Variants in MLC1 observed in about 807,000 individuals in gnomAD.
MLC1 encodes membrane protein MLC1.
In MLC1, 32 loss-of-function variants were observed where a neutral mutation model predicts 44.7. The observed-to-expected ratio is 0.72, with a 90% CI of 0.54 to 0.96. MLC1 has a LOEUF of 0.96. Among genes scored for constraint, MLC1 ranks in the 40% least tolerant of loss-of-function variants. The pLI, the probability that MLC1 is intolerant of heterozygous loss-of-function variation, is 0.00. For missense variants in MLC1, 459 were observed against 492.2 expected (o/e 0.93, Z 0.64); for synonymous variants, 190 against 213.0 (o/e 0.89, Z 0.94).
At chr22:50,061,969 G>A (rs994729010) in intron 11 of MLC1, among the ~76,000 whole-genome samples, 14 of 152,210 alleles carry the variant, frequency 9.2e-5, no homozygotes, top group Non-Finnish European at 1.9e-4. Flanking sequence ...CCAAGGTTGG[G>A]CATGTGCCTG....
At chr22:50,076,099 G>C (rs1041669485) in intron 7 of MLC1, among the ~76,000 whole-genome samples, 1 of 152,184 alleles carries the variant, frequency 6.6e-6, no homozygotes, top group Non-Finnish European at 1.5e-5. Context: ...AAACTCAAAA[G>C]ATGGTAAAAA....
At chr22:50,064,649 A>C (rs1419569091) in intron 10 of MLC1, among the ~76,000 whole-genome samples, 2 of 152,132 alleles carry the variant, frequency 1.3e-5, no homozygotes, top group African/African-American at 4.8e-5. Flanking sequence ...GACCCCCAAC[A>C]GCTTCACCCC....
chr22:50,061,651 T>C lies in MLC1; in HGVS notation c.1066A>G (p.Arg356Gly), dbSNP rs1275788050. Residue 356 changes from arginine to glycine, a missense_variant, in exon 12 of 12, where the codon AGG (arginine) becomes GGG (glycine). By Grantham distance (125) the Arg-to-Gly change is moderately radical (BLOSUM62 -2). Coordinates refer to ENST00000311597, the MANE Select transcript of MLC1 (RefSeq NM_015166.4). ...TTGTCGAACTCCTTCAGGGGGCTCC[T>C]GGCCACCTGCAACCGAGACAGGAAA... The part of the protein sequence containing the change: ...PQERLAGEVA[R>G]SPLKEFDKEK... 1.2e-6 allele frequency: 2 copies of C among 1,613,232 alleles called. No homozygotes were observed. The highest frequency in any genetic ancestry group is 1.7e-6 in the Non-Finnish European group (2 of 1,179,902).
chr22:50,071,151 C>T (rs988338702), intron 8 of MLC1, among the ~76,000 whole-genome samples: 2 of 151,710 alleles, frequency 1.3e-5, no homozygotes, highest in Admixed American at 6.6e-5. Context: ...CTCTGTCACC[C>T]AGGCTGGAGT....
intron 6 of MLC1, 45 bp from the exon 7 acceptor site, chr22:50,076,957 A>C: frequency 6.2e-7 from 1 of 1,606,590 alleles, no homozygotes; most frequent in Non-Finnish European, 8.5e-7. Context: ...GGGCACAGGG[A>C]CTCAGCACTG....
intron 5 of MLC1, among the ~76,000 whole-genome samples, chr22:50,079,052 G>A (rs183623885): frequency 2.0e-5 from 3 of 151,826 alleles, no homozygotes; most frequent in African/African-American, 7.2e-5. Flanking sequence ...GGGAGGCCGA[G>A]GTGGATGGAT....
chr22:50,063,912 A>ATCCCC, intron 11 of MLC1, 122 bp downstream of exon 11: 1 of 515,418 alleles, frequency 1.9e-6, no homozygotes, highest in Non-Finnish European at 2.7e-6. Flanking sequence ...CCGGCTGGGC[A>ATCCCC]CCCCTGTGGG....
Position 50,064,187 on chromosome 22 carries a change from A to G in MLC1, c.906T>C (p.Asp302=), listed in dbSNP as rs2146773099. 3 of 1,599,454 alleles carry G rather than the reference A, an allele frequency of 1.9e-6. No homozygotes were observed. The highest frequency in any genetic ancestry group is 1.7e-5 in the Admixed American group (1 of 59,540). Residue 302 remains aspartate (D), a synonymous_variant, in exon 11 of 12, where the codon GAT becomes GAC. Coordinates refer to ENST00000311597, the MANE Select transcript of MLC1 (RefSeq NM_015166.4). The part of the protein sequence containing the change: ...DYPPAIKPSY[D]VLLLLLLLVL... Reference sequence around the variant, plus strand: ...CTAGCAGCAGCAGCAGCAGCAGCACATCGTAGGATGGCTGCAGGCGGAAGG... The same window carrying G: ...CTAGCAGCAGCAGCAGCAGCAGCACGTCGTAGGATGGCTGCAGGCGGAAGG...
In MLC1 at chr22:50,076,714, G is replaced by A. The variant is rs559114842; in HGVS notation, c.597+127C>T. The stretch of plus-strand genomic sequence containing the variant: ...AGACTAGAGTCTCCACAGATGAGGC[G>A]CACGCCGCCATGCGGTGTAGACAGC... On this transcript the variant is annotated intron_variant, in intron 7 of 11. Coordinates refer to ENST00000311597, the MANE Select transcript of MLC1 (RefSeq NM_015166.4). 6.3e-5 allele frequency: 58 copies of A among 921,148 alleles called. No individual in the cohort carries two copies. In the African/African-American group the frequency reaches 6.6e-4, roughly 11 times the overall value. The allele number at this position is 921,148 out of a possible 1,614,324, so 57.1% of individuals were successfully genotyped here.
At position 50,068,424 on chromosome 22, in the gene MLC1, A is replaced by ACAACT. The variant is rs2061765259; in HGVS notation, c.894+4_894+8dup. On this transcript the variant is annotated intron_variant, in intron 10 of 11. Coordinates refer to ENST00000311597, the MANE Select transcript of MLC1 (RefSeq NM_015166.4). ...TGTCTGGGGGGCTCTGAAATAAAAT[A>ACAACT]CAACTCACTTTTATGGCTGGCGGGT... 5 of 1,613,230 alleles carry ACAACT rather than the reference A, an allele frequency of 3.1e-6. 1 individual carries two copies. In the South Asian group the frequency reaches 5.5e-5, roughly 18 times the overall value.
At chr22:50,073,345 T>A (rs1055700317) in intron 8 of MLC1, among the ~76,000 whole-genome samples, 5 of 152,126 alleles carry the variant, frequency 3.3e-5, no homozygotes, top group African/African-American at 1.2e-4. Flanking sequence ...CGCGGCAAGG[T>A]GCTGAGAACC....
intron 8 of MLC1, among the ~76,000 whole-genome samples, chr22:50,072,318 C>T (rs532239367): frequency 2.0e-5 from 3 of 152,370 alleles, no homozygotes; most frequent in African/African-American, 4.8e-5. Flanking sequence ...GCCCCCAACT[C>T]CAGCCCCGAG....
chr22:50,071,591 G>A (rs184712343), intron 8 of MLC1, among the ~76,000 whole-genome samples: 3 of 152,240 alleles, frequency 2.0e-5, no homozygotes, highest in Admixed American at 6.5e-5. Flanking sequence ...ATTTCCTCAT[G>A]ATGAGCCTTG....
intron 10 of MLC1, among the ~76,000 whole-genome samples, chr22:50,066,824 C>T (rs538250908): frequency 8.1e-4 from 123 of 152,006 alleles, no homozygotes; most frequent in African/African-American, 2.9e-3. Flanking sequence ...GCTTTTGAAC[C>T]ACATAAATAT....
At chr22:50,069,945 T>TA (rs1256608618) in intron 9 of MLC1, among the ~76,000 whole-genome samples, 1 of 152,116 alleles carries the variant, frequency 6.6e-6, no homozygotes, top group Non-Finnish European at 1.5e-5. Context: ...CTCACACCGG[T>TA]AATCCCAGCA....
At chr22:50,075,091 C>A (rs1021627124) in intron 7 of MLC1, among the ~76,000 whole-genome samples, 1 of 150,702 alleles carries the variant, frequency 6.6e-6, no homozygotes, top group Admixed American at 6.7e-5. Flanking sequence ...CTCATCTGCC[C>A]GGCACCATCA....
Position 50,080,342 on chromosome 22 carries a change from A to AC in MLC1, c.321+1dup. On this transcript the variant is annotated splice_donor_variant, in intron 4 of 11. Coordinates refer to ENST00000311597, the MANE Select transcript of MLC1 (RefSeq NM_015166.4). LOFTEE classifies it high-confidence loss of function. ...CAGAGGCTGCCTGCAAGCTAGACTCACCACATTGGCGTTCCTCCTGGAGAC... is the reference window on the plus strand; with the variant it reads ...CAGAGGCTGCCTGCAAGCTAGACTCACCCACATTGGCGTTCCTCCTGGAGAC... The AC allele has an allele frequency of 1.2e-6, 2 of 1,606,536 alleles. No individual in the cohort carries two copies. Among genetic ancestry groups the AC allele is most frequent in the Non-Finnish European group, 1.7e-6 (2 of 1,176,478 alleles).
Position 50,070,139 on chromosome 22 carries a change from T to A in MLC1, c.771+388A>T, listed in dbSNP as rs183200517. On this transcript the variant is annotated intron_variant, in intron 9 of 11. Coordinates refer to ENST00000311597, the MANE Select transcript of MLC1 (RefSeq NM_015166.4). Reference sequence around the variant, plus strand: ...ATCACTTGAACCCGGGAGGCGGAGGTTGCAGTGAGCCAAGATCGTGCCATT... The same window carrying A: ...ATCACTTGAACCCGGGAGGCGGAGGATGCAGTGAGCCAAGATCGTGCCATT... Among the ~76,000 whole-genome samples, 925 of 151,732 alleles carry A rather than the reference T, an allele frequency of 6.1e-3. 9 individuals are homozygous for A. Among genetic ancestry groups the A allele is most frequent in the African/African-American group, 0.021 (880 of 41,236 alleles).
chr22:50,060,229 G>C lies in MLC1; in HGVS notation c.*1354C>G, dbSNP rs987843620. On this transcript the variant is annotated 3_prime_UTR_variant, in exon 12 of 12. Coordinates refer to ENST00000311597, the MANE Select transcript of MLC1 (RefSeq NM_015166.4). ...CTGGAAAGTAATTATCAAAGTAACA[G>C]CATTCCAGTTTCACAGTCGCCCCAA... The C allele has an allele frequency of 6.6e-6, 1 of 152,402 alleles. No homozygotes were observed. The highest frequency in any genetic ancestry group is 1.5e-5 in the Non-Finnish European group (1 of 68,046). The allele number at this position is 152,402 out of a possible 1,614,324, so 9.4% of individuals were successfully genotyped here.
Sources: gnomAD v4.1 joint callset for allele counts (sites outside exome capture counted in the v4.1 genomes callset) on GRCh38, gnomAD v4.1.1 for gene constraint, MANE v1.5 for transcripts, NCBI Gene and HGNC (gene_info 2026-07-23, HGNC 2026-07-21) for gene names.